KCNQ1: variants seen among roughly 807,000 people sequenced by gnomAD.
KCNQ1 encodes the protein potassium voltage-gated channel subfamily Q member 1.
In KCNQ1, 49 loss-of-function variants were observed where a neutral mutation model predicts 72.4. The ratio of observed to expected loss-of-function variants is 0.68; its 90% confidence interval spans 0.54 to 0.86. The LOEUF (loss-of-function observed/expected upper bound fraction) is 0.86. Ranked by LOEUF, KCNQ1 falls within the 40% of genes least tolerant of loss-of-function variation. The pLI, the probability that KCNQ1 is intolerant of heterozygous loss-of-function variation, is 0.00. For missense variants in KCNQ1, 790 were observed against 945.1 expected (o/e 0.84, Z 2.15); for synonymous variants, 450 against 412.6 (o/e 1.09, Z -1.10).
chr11:2,684,393 A>T, intron 11 of KCNQ1: 1 of 398,684 alleles, frequency 2.5e-6, no homozygotes, highest in Non-Finnish European at 4.4e-6. Flanking sequence ...AGTGGGGTCC[A>T]TCCCCCTGAT....
At position 2,473,668 on chromosome 11, in the gene KCNQ1, C is replaced by T. The variant is rs573420393; in HGVS notation, c.386+28184C>T. On this transcript the variant is annotated intron_variant, in intron 1 of 15. Coordinates refer to ENST00000155840, the MANE Select transcript of KCNQ1 (RefSeq NM_000218.3). This position sits in a 1 kb window ranked among gnomAD's most constrained non-coding sequence, Gnocchi z 6.0. ...CTGGGCCTCAGTTGGCCTGGCCTGG[C>T]GCGGGGCTGCCAGCCAAGAGCCTTC... is the stretch of plus-strand genomic sequence containing the variant. 2.4e-3 allele frequency among the ~76,000 whole-genome samples: 370 copies of T among 152,300 alleles called. 1 individual carries two copies. Among genetic ancestry groups the T allele is most frequent in the African/African-American group, 8.3e-3 (344 of 41,572 alleles).
At chr11:2,527,339 C>T (rs1365785912) in intron 1 of KCNQ1, among the ~76,000 whole-genome samples, 2 of 152,174 alleles carry the variant, frequency 1.3e-5, no homozygotes, top group East Asian at 3.9e-4. Flanking sequence ...GCTGTGACCA[C>T]CAACACCCCT....
intron 15 of KCNQ1, among the ~76,000 whole-genome samples, chr11:2,778,578 G>T (rs565755236): frequency 2.0e-5 from 3 of 152,126 alleles, no homozygotes; most frequent in African/African-American, 7.2e-5. Flanking sequence ...CCCATCACTC[G>T]GTCCCTCAGG....
chr11:2,699,004 C>T, intron 11 of KCNQ1: 2 of 398,616 alleles, frequency 5.0e-6, no homozygotes, highest in East Asian at 3.6e-5. Flanking sequence ...TAATTCGGGC[C>T]CTGACTCAGA....
intron 11 of KCNQ1, chr11:2,693,925 G>A (rs957342197): frequency 1.5e-5 from 6 of 398,598 alleles, no homozygotes; most frequent in African/African-American, 4.1e-5. Context: ...ACCTGGATCC[G>A]GTATCCGCTG....
At chr11:2,540,525 T>TGGGGCCAGGG (rs1847807651) in intron 2 of KCNQ1, among the ~76,000 whole-genome samples, 1 of 152,202 alleles carries the variant, frequency 6.6e-6, no homozygotes, top group Admixed American at 6.5e-5. Flanking sequence ...CTGGGGTACC[T>TGGGGCCAGGG]GGGGCCAGGG....
Position 2,838,030 on chromosome 11 carries a change from G to A in KCNQ1, c.1795-9737G>A, listed in dbSNP as rs113023693. ...GCCTCTGTCTTAGAGAAAAATGGTG[G>A]CAACGTGGGACAGACTGAGGAAGCC... is the stretch of plus-strand genomic sequence containing the variant. On this transcript the variant is annotated intron_variant, in intron 15 of 15. Coordinates refer to ENST00000155840, the MANE Select transcript of KCNQ1 (RefSeq NM_000218.3). 8.4e-3 allele frequency among the ~76,000 whole-genome samples: 1,280 copies of A among 152,356 alleles called. 15 individuals are homozygous for A. Among genetic ancestry groups the A allele is most frequent in the African/African-American group, 0.029 (1,224 of 41,574 alleles).
At chr11:2,788,541 C>T (rs1430876518) in intron 15 of KCNQ1, among the ~76,000 whole-genome samples, 1 of 151,534 alleles carries the variant, frequency 6.6e-6, no homozygotes, top group Non-Finnish European at 1.5e-5. Context: ...CCCCTCCCCT[C>T]TGCACCACCC....
rs747921705 is a variant in KCNQ1, at chr11:2,768,811, C to T, written c.1515-33C>T. Reference sequence around the variant, plus strand: ...GAGGGGATGACCAGCACAGGGTGGCCACTCACAATCTCCTCTCCTCTCTCC... The same window carrying T: ...GAGGGGATGACCAGCACAGGGTGGCTACTCACAATCTCCTCTCCTCTCTCC... On this transcript the variant is annotated intron_variant, in intron 11 of 15. Coordinates refer to ENST00000155840, the MANE Select transcript of KCNQ1 (RefSeq NM_000218.3). The surrounding 1 kb of genome is among the most constrained non-coding windows in gnomAD (Gnocchi z 6.7). The T allele has an allele frequency of 1.9e-6, 3 of 1,574,802 alleles. No individual in the cohort carries two copies. Among genetic ancestry groups the T allele is most frequent in the Non-Finnish European group, 2.6e-6 (3 of 1,144,244 alleles).
chr11:2,590,313 G>C (rs1227835324), intron 10 of KCNQ1, among the ~76,000 whole-genome samples: 1 of 152,260 alleles, frequency 6.6e-6, no homozygotes, highest in East Asian at 1.9e-4. Context: ...AGTAGTGACT[G>C]TGTTCTGATA....
At position 2,563,245 on chromosome 11, in the gene KCNQ1, A is replaced by C. The variant is rs1444613780; in HGVS notation, c.478-7383A>C. The stretch of plus-strand genomic sequence containing the variant: ...TGATAAAAGCAAAACAATAGATAAG[A>C]TGGCCAGGTCGACCTTCAGCCTTCT... On this transcript the variant is annotated intron_variant, in intron 2 of 15. Transcript: ENST00000155840. This position sits in a 1 kb window ranked among gnomAD's most constrained non-coding sequence, Gnocchi z 7.4. Among the ~76,000 whole-genome samples, 3 of 152,180 alleles carry C rather than the reference A, an allele frequency of 2.0e-5. No homozygotes were observed. The highest frequency in any genetic ancestry group is 4.4e-5 in the Non-Finnish European group (3 of 68,036).
At chr11:2,472,181 A>G (rs2133599315) in intron 1 of KCNQ1, among the ~76,000 whole-genome samples, 1 of 136,356 alleles carries the variant, frequency 7.3e-6, no homozygotes, top group East Asian at 2.2e-4. Context: ...CTTTGTGTGT[A>G]TATGTGCATG....
rs1851190372 is a variant in KCNQ1, at chr11:2,720,868, G to A, written c.1515-47976G>A. Among the ~76,000 whole-genome samples, 1 of 152,038 alleles carries A rather than the reference G, an allele frequency of 6.6e-6. No individual in the cohort carries two copies. The highest frequency in any genetic ancestry group is 1.5e-5 in the Non-Finnish European group (1 of 68,022). The stretch of plus-strand genomic sequence containing the variant: ...GGGGAACGGCCTTGCTGGGAGTTGG[G>A]GCCTGGCCTGGACCTCGAGGCCACT... On this transcript the variant is annotated intron_variant, in intron 11 of 15. Transcript: ENST00000155840. The surrounding 1 kb of genome is among the most constrained non-coding windows in gnomAD (Gnocchi z 5.1).
intron 11 of KCNQ1, chr11:2,693,694 C>T (rs1213409471): frequency 5.0e-6 from 2 of 398,588 alleles, no homozygotes; most frequent in Non-Finnish European, 8.8e-6. Flanking sequence ...TGGGTGCGCT[C>T]CAGCCTCATG....
rs1846829301 is a variant in KCNQ1, at chr11:2,491,036, A to G, written c.387-36892A>G. 6.6e-6 allele frequency among the ~76,000 whole-genome samples: 1 copy of G among 152,210 alleles called. No individual in the cohort carries two copies. The highest frequency in any genetic ancestry group is 1.5e-5 in the Non-Finnish European group (1 of 68,040). On this transcript the variant is annotated intron_variant, in intron 1 of 15. Coordinates refer to ENST00000155840, the MANE Select transcript of KCNQ1 (RefSeq NM_000218.3). This position sits in a 1 kb window ranked among gnomAD's most constrained non-coding sequence, Gnocchi z 4.1. ...GCAGTATTTTTATGAGTCTGCAAGA[A>G]CCACAGTGTTACTGGGCTTGGGATG...
intron 15 of KCNQ1, among the ~76,000 whole-genome samples, chr11:2,821,160 C>T (rs1198001906): frequency 6.6e-6 from 1 of 152,228 alleles, no homozygotes; most frequent in Non-Finnish European, 1.5e-5. Context: ...TCGGTGGCCC[C>T]TGGCTGGTGC....
rs911754187 is a variant in KCNQ1, at chr11:2,516,486, C to G, written c.387-11442C>G. 6.6e-6 allele frequency among the ~76,000 whole-genome samples: 1 copy of G among 152,082 alleles called. No homozygotes were observed. Among genetic ancestry groups the G allele is most frequent in the African/African-American group, 2.4e-5 (1 of 41,414 alleles). ...TCAATCTCCGGGCTCAAAATTGGCC[C>G]CCAGAAAGCCTTTGAGATGGACAGG... is the stretch of plus-strand genomic sequence containing the variant. On this transcript the variant is annotated intron_variant, in intron 1 of 15. Coordinates refer to ENST00000155840, the MANE Select transcript of KCNQ1 (RefSeq NM_000218.3). The surrounding 1 kb of genome is among the most constrained non-coding windows in gnomAD (Gnocchi z 7.0).
intron 15 of KCNQ1, among the ~76,000 whole-genome samples, chr11:2,778,449 T>G (rs2237884): frequency 6.6e-6 from 1 of 152,098 alleles, no homozygotes; most frequent in Non-Finnish European, 1.5e-5. Context: ...GGGCCTCCAC[T>G]TGGGGCCGGC....
In KCNQ1 at chr11:2,593,383, C is replaced by T. The variant is rs1289345570; in HGVS notation, c.1393+4529C>T. Reference sequence around the variant, plus strand: ...AGGATCGGGGAGGCCACCTCAGAGGCCTTTTGCTGCTCAGAGAACACTGGG... The same window carrying T: ...AGGATCGGGGAGGCCACCTCAGAGGTCTTTTGCTGCTCAGAGAACACTGGG... On this transcript the variant is annotated intron_variant, in intron 10 of 15. Coordinates refer to ENST00000155840, the MANE Select transcript of KCNQ1 (RefSeq NM_000218.3). The surrounding 1 kb of genome is among the most constrained non-coding windows in gnomAD (Gnocchi z 6.9). Among the ~76,000 whole-genome samples the T allele has an allele frequency of 6.6e-6, 1 of 151,414 alleles. No homozygotes were observed. The highest frequency in any genetic ancestry group is 2.4e-5 in the African/African-American group (1 of 41,340).
Sources: gnomAD v4.1 joint callset for allele counts (sites outside exome capture counted in the v4.1 genomes callset) on GRCh38, gnomAD v4.1.1 for gene constraint, Gnocchi (gnomAD v3.1) non-coding constraint, MANE v1.5 for transcripts, NCBI Gene and HGNC (gene_info 2026-07-23, HGNC 2026-07-21) for gene names.